The following GABRA4 variants were observed in gnomAD, a reference collection of about 807,000 sequenced individuals.
GABRA4 encodes the protein gamma-aminobutyric acid receptor subunit alpha-4.
GABRA4 carries 12 observed loss-of-function variants against 49.7 expected under a neutral mutation model. The ratio of observed to expected loss-of-function variants is 0.24; its 90% CI spans 0.15 to 0.39. The LOEUF is 0.39. GABRA4 is among the 10% of genes least tolerant of loss of function. The probability of loss-of-function intolerance (pLI) is 1.00; values close to 1 mark genes in which losing one functional copy is unlikely to be tolerated. For missense variants in GABRA4, 506 were observed against 686.0 expected, an observed-to-expected ratio of 0.74 and a Z score of 2.93; for synonymous variants, 288 against 240.2, an observed-to-expected ratio of 1.20 and a Z score of -1.84.
chr4:46,953,082 A>G (rs1039253315), intron 8 of GABRA4, among the ~76,000 whole-genome samples: 3 of 152,262 alleles, frequency 2.0e-5, no homozygotes, highest in South Asian at 4.1e-4. Flanking sequence ...AACAATTCCA[A>G]TAATATGGTA....
intron 8 of GABRA4, among the ~76,000 whole-genome samples, chr4:46,947,903 A>C (rs750576717): frequency 6.6e-6 from 1 of 152,006 alleles, no homozygotes; most frequent in Non-Finnish European, 1.5e-5. Context: ...ATTCACTCAG[A>C]GTCTCTCATG....
intron 5 of GABRA4, among the ~76,000 whole-genome samples, chr4:46,974,828 A>T (rs955461972): frequency 2.0e-5 from 3 of 151,884 alleles, no homozygotes; most frequent in African/African-American, 4.8e-5. Flanking sequence ...ACAATAACAA[A>T]ACCAAACAAA....
At chr4:46,939,036 T>A (rs924742215) in intron 8 of GABRA4, among the ~76,000 whole-genome samples, 5 of 152,050 alleles carry the variant, frequency 3.3e-5, no homozygotes, top group African/African-American at 1.2e-4. Flanking sequence ...ATACTTAAGC[T>A]GAGATATTAG....
chr4:46,969,417 T>A (rs1032949212), intron 7 of GABRA4, among the ~76,000 whole-genome samples: 2 of 151,558 alleles, frequency 1.3e-5, no homozygotes, highest in Non-Finnish European at 3.0e-5. Context: ...AGTAGATACT[T>A]CTTGCCTAGT....
At chr4:46,965,363 T>A in intron 7 of GABRA4, 134 bp from the exon 8 acceptor site, 1 of 648,756 alleles carries the variant, frequency 1.5e-6, no homozygotes, top group South Asian at 4.8e-5. Flanking sequence ...AAGAAAACCA[T>A]CTTTGATGGA....
At chr4:46,948,425 G>T (rs1345332292) in intron 8 of GABRA4, among the ~76,000 whole-genome samples, 2 of 152,106 alleles carry the variant, frequency 1.3e-5, no homozygotes, top group Non-Finnish European at 1.5e-5. Context: ...AGAATATTAT[G>T]GTGAGCTAGT....
rs373873160 is a variant in GABRA4, at chr4:46,928,216, G to A, written c.*9C>T. The A allele has an allele frequency of 1.3e-6, 2 of 1,591,148 alleles. No homozygotes were observed. Among genetic ancestry groups the A allele is most frequent in the African/African-American group, 2.7e-5 (2 of 74,020 alleles). On this transcript the variant is annotated 3_prime_UTR_variant, in exon 9 of 9. Coordinates refer to ENST00000264318, the MANE Select transcript of GABRA4 (RefSeq NM_000809.4). The stretch of plus-strand genomic sequence containing the variant: ...CATCATCTTTTAGCAAACTACTATA[G>A]CAACGAAATTACATTAGACTTTCTG...
chr4:46,924,168 T>C lies in GABRA4; in HGVS notation c.*4057A>G, dbSNP rs942056723. 6.6e-6 allele frequency: 1 copy of C among 152,158 alleles called. No individual in the cohort carries two copies. Among genetic ancestry groups the C allele is most frequent in the Non-Finnish European group, 1.5e-5 (1 of 68,000 alleles). The allele number at this position is 152,158 out of a possible 1,614,324, so 9.4% of individuals were successfully genotyped here. On this transcript the variant is annotated 3_prime_UTR_variant, in exon 9 of 9. Coordinates refer to ENST00000264318, the MANE Select transcript of GABRA4 (RefSeq NM_000809.4). Reference sequence around the variant, plus strand: ...TCCACCTCTATCTAGATCAGTGCTATGCTGAGCAATTTTGGAGCCTGAGGC... The same window carrying C: ...TCCACCTCTATCTAGATCAGTGCTACGCTGAGCAATTTTGGAGCCTGAGGC...
At chr4:46,929,218 T>C (rs1490228245) in intron 8 of GABRA4, among the ~76,000 whole-genome samples, 2 of 151,948 alleles carry the variant, frequency 1.3e-5, no homozygotes, top group Admixed American at 6.6e-5. Flanking sequence ...ATATCAACAA[T>C]AACAACTATC....
chr4:46,982,300 C>G (rs2109400339), intron 2 of GABRA4, among the ~76,000 whole-genome samples: 1 of 152,064 alleles, frequency 6.6e-6, no homozygotes, highest in Admixed American at 6.6e-5. Flanking sequence ...TAAAGAGATA[C>G]TTAAGTTAAA....
At chr4:46,958,340 AT>A (rs1297549055) in intron 8 of GABRA4, among the ~76,000 whole-genome samples, 4 of 151,874 alleles carry the variant, frequency 2.6e-5, no homozygotes, top group Admixed American at 6.6e-5. Flanking sequence ...TATATCACTG[AT>A]TTTTTTCATA....
At chr4:46,990,913 T>C (rs896017781) in intron 2 of GABRA4, among the ~76,000 whole-genome samples, 1 of 152,230 alleles carries the variant, frequency 6.6e-6, no homozygotes, top group Non-Finnish European at 1.5e-5. Context: ...CCGGCGCGGC[T>C]CACGCCTATA....
At chr4:46,957,560 G>A (rs1329428986) in intron 8 of GABRA4, among the ~76,000 whole-genome samples, 1 of 151,914 alleles carries the variant, frequency 6.6e-6, no homozygotes, top group Non-Finnish European at 1.5e-5. Flanking sequence ...GTTATTATGG[G>A]AAAGGACAAG....
intron 3 of GABRA4, among the ~76,000 whole-genome samples, chr4:46,978,564 G>T (rs1376229729): frequency 6.6e-6 from 1 of 151,476 alleles, no homozygotes; most frequent in African/African-American, 2.4e-5. Flanking sequence ...GGGCATGCCT[G>T]CATTCCCAGC....
chr4:46,940,404 A>T (rs1721749650), intron 8 of GABRA4, among the ~76,000 whole-genome samples: 2 of 152,218 alleles, frequency 1.3e-5, no homozygotes, highest in Admixed American at 6.6e-5. Flanking sequence ...TTCTACAAAT[A>T]ATTAAAATTA....
At chr4:46,973,548 G>A (rs1453015925) in intron 6 of GABRA4, among the ~76,000 whole-genome samples, 2 of 151,616 alleles carry the variant, frequency 1.3e-5, no homozygotes, top group African/African-American at 4.8e-5. Context: ...TTGTTACAAT[G>A]GCCCAAACAA....
chr4:46,968,265 A>G (rs1352613706), intron 7 of GABRA4, among the ~76,000 whole-genome samples: 1 of 151,606 alleles, frequency 6.6e-6, no homozygotes, highest in Non-Finnish European at 1.5e-5. Context: ...AATAATTATC[A>G]ATCTGACACA....
At chr4:46,984,066 C>T (rs1723452719) in intron 2 of GABRA4, among the ~76,000 whole-genome samples, 1 of 152,020 alleles carries the variant, frequency 6.6e-6, no homozygotes, top group Non-Finnish European at 1.5e-5. Flanking sequence ...TTAACTTTAG[C>T]AGTACAGATA....
intron 8 of GABRA4, among the ~76,000 whole-genome samples, chr4:46,931,114 T>C (rs1346543461): frequency 6.6e-6 from 1 of 152,026 alleles, no homozygotes; most frequent in Non-Finnish European, 1.5e-5. Flanking sequence ...AGTATTTTAC[T>C]AAGCAAAGAT....
Sources: allele counts gnomAD v4.1 joint callset (sites outside exome capture counted in the v4.1 genomes callset), GRCh38; gene constraint gnomAD v4.1.1; transcripts MANE v1.5; gene names NCBI Gene and HGNC (gene_info 2026-07-23, HGNC 2026-07-21).